SLC38A8: variants seen among roughly 807,000 people sequenced by gnomAD.
SLC38A8 encodes the protein amino acid transporter SLC38A8.
A neutral mutation model predicts 46.0 loss-of-function variants in SLC38A8; 65 were observed. The observed-to-expected ratio is 1.41, with a 90% CI of 1.16 to 1.74. The LOEUF (loss-of-function observed/expected upper bound fraction) is 1.74. SLC38A8 is among the 40% of genes most tolerant of loss of function. The probability of loss-of-function intolerance (pLI) is 0.00; values close to 1 mark genes in which losing one functional copy is unlikely to be tolerated. For synonymous variants in SLC38A8, 447 were observed against 243.7 expected (o/e 1.83, Z -7.77); for missense variants, 998 against 567.9 (o/e 1.76, Z -7.70).
rs1279393840 is a variant in SLC38A8 at position 84,042,134 on chromosome 16, G to A, written c.24C>T (p.Ser8=). 6 of 1,612,904 alleles carry A rather than the reference G, an allele frequency of 3.7e-6. No homozygotes were observed. Among genetic ancestry groups the A allele is most frequent in the African/African-American group, 2.7e-5 (2 of 74,902 alleles). MEGQTPG[S]RGLPEKPHPA... is the part of the protein sequence containing the mutation. Reference sequence around the variant, plus strand: ...GGTGAGGCTTTTCTGGAAGGCCCCTGCTTCCTGGGGTCTGTCCCTCCATGG... The same window carrying A: ...GGTGAGGCTTTTCTGGAAGGCCCCTACTTCCTGGGGTCTGTCCCTCCATGG... The change falls in exon 2 of 11, where the codon AGC becomes AGT. Residue 8 remains serine, a synonymous_variant. Coordinates refer to ENST00000299709, the MANE Select transcript of SLC38A8 (RefSeq NM_001080442.3).
rs1836130142 is a variant in SLC38A8, at chr16:84,017,209, A to G, written c.884T>C (p.Ile295Thr). The G allele has an allele frequency of 6.2e-7, 1 of 1,614,010 alleles. No homozygotes were observed. Among genetic ancestry groups the G allele is most frequent in the African/African-American group, 1.3e-5 (1 of 74,906 alleles). ...AGCAAAAAGGACCCGGGCCACAATGATGACCATATCATTGCCTGGGTAGGA... is the reference window on the plus strand; with the variant it reads ...AGCAAAAAGGACCCGGGCCACAATGGTGACCATATCATTGCCTGGGTAGGA... ...LMSYPGNDMV[I>T]IVARVLFAVS... Residue 295 changes from isoleucine to threonine, a missense_variant, in exon 8 of 11, where the codon ATC (isoleucine) becomes ACC (threonine). By Grantham distance (89) the Ile-to-Thr change is moderately conservative. Transcript: ENST00000299709.
chr16:84,037,008 C>A, intron 2 of SLC38A8, 108 bp from the exon 3 acceptor site: 3 of 1,163,414 alleles, frequency 2.6e-6, no homozygotes, highest in Non-Finnish European at 3.6e-6. Flanking sequence ...TCCACAGAGG[C>A]CAGGGCTGCT....
At chr16:84,024,256 G>C (rs1201094608) in intron 6 of SLC38A8, among the ~76,000 whole-genome samples, 1 of 152,206 alleles carries the variant, frequency 6.6e-6, no homozygotes, top group Admixed American at 6.5e-5. Flanking sequence ...AAAAGGTCAT[G>C]AAGGGGTTCC....
At chr16:84,038,338 A>C (rs1461133439) in intron 2 of SLC38A8, among the ~76,000 whole-genome samples, 2 of 151,720 alleles carry the variant, frequency 1.3e-5, no homozygotes, top group African/African-American at 2.4e-5. Flanking sequence ...GATGTACAGG[A>C]AAGTTGCAAG....
chr16:84,022,515 A>G (rs1012743255), intron 7 of SLC38A8, among the ~76,000 whole-genome samples: 36 of 152,146 alleles, frequency 2.4e-4, no homozygotes, highest in Non-Finnish European at 8.8e-5. Context: ...GGCTTTGGAG[A>G]CGGCTAGGCT....
At chr16:84,026,447 G>C (rs900946861) in intron 6 of SLC38A8, among the ~76,000 whole-genome samples, 3 of 152,142 alleles carry the variant, frequency 2.0e-5, no homozygotes, top group East Asian at 1.9e-4. Context: ...GGCTGGTCTT[G>C]AACTCCTGAC....
intron 9 of SLC38A8, among the ~76,000 whole-genome samples, chr16:84,014,093 A>C (rs1235140402): frequency 6.6e-6 from 1 of 151,682 alleles, no homozygotes; most frequent in African/African-American, 2.4e-5. Context: ...CTGAGGGAGG[A>C]GATGCATGGC....
At chr16:84,024,978 G>A (rs943774052) in intron 6 of SLC38A8, among the ~76,000 whole-genome samples, 1 of 152,156 alleles carries the variant, frequency 6.6e-6, no homozygotes, top group Non-Finnish European at 1.5e-5. Flanking sequence ...ACCAAGCCCA[G>A]TGCAAGAATT....
At chr16:84,034,190 G>A (rs1181883946) in intron 3 of SLC38A8, among the ~76,000 whole-genome samples, 3 of 152,216 alleles carry the variant, frequency 2.0e-5, no homozygotes, top group African/African-American at 7.2e-5. Flanking sequence ...TTCCATGGCA[G>A]CTGGGGGACC....
rs1488889967 is a variant in SLC38A8 at position 84,036,827 on chromosome 16, T to G, written c.263A>C (p.Tyr88Ser). The change falls in exon 3 of 11, where the codon TAC becomes TCC. Residue 88 changes from tyrosine (Y) to serine (S), a missense_variant. Physicochemically the swap from Tyr to Ser is moderately radical, Grantham distance 144. Transcript: ENST00000299709. The part of the protein sequence containing the change: ...YAAAVSGQAT[Y>S]QGVVRGLCGP... Reference sequence around the variant, plus strand: ...ACACAGCCCCCTGACCACACCCTGGTAGGTGGCCTGGCCACTGACAGCAGC... The same window carrying G: ...ACACAGCCCCCTGACCACACCCTGGGAGGTGGCCTGGCCACTGACAGCAGC... 6.2e-7 allele frequency: 1 copy of G among 1,613,878 alleles called. No homozygotes were observed. The highest frequency in any genetic ancestry group is 8.5e-7 in the Non-Finnish European group (1 of 1,180,014).
At chr16:84,021,255 C>A (rs571818282) in intron 7 of SLC38A8, among the ~76,000 whole-genome samples, 12 of 152,098 alleles carry the variant, frequency 7.9e-5, no homozygotes, top group Non-Finnish European at 1.5e-4. Context: ...AATAGAAATG[C>A]GGTTTTACCA....
chr16:84,042,332 C>T (rs1207391111), intron 1 of SLC38A8, among the ~76,000 whole-genome samples, 173 bp from the exon 2 acceptor site: 1 of 152,170 alleles, frequency 6.6e-6, no homozygotes, highest in African/African-American at 2.4e-5. Context: ...CTGCCCACGA[C>T]TTCTAGTCCC....
chr16:84,028,882 C>A (rs2085201119), intron 6 of SLC38A8, among the ~76,000 whole-genome samples: 1 of 152,168 alleles, frequency 6.6e-6, no homozygotes, highest in Non-Finnish European at 1.5e-5. Flanking sequence ...CCTTTCAAAC[C>A]CCACCACCTT....
At chr16:84,019,812 G>C (rs12325554) in intron 7 of SLC38A8, among the ~76,000 whole-genome samples, 10,548 of 152,320 alleles carry the variant, frequency 0.069, 571 homozygotes, top group African/African-American at 0.15. Flanking sequence ...AAGGCCAAAG[G>C]AAAGGAGTAA....
chr16:84,015,754 A>G (rs2085017731), intron 9 of SLC38A8, among the ~76,000 whole-genome samples: 1 of 152,184 alleles, frequency 6.6e-6, no homozygotes, highest in Non-Finnish European at 1.5e-5. Flanking sequence ...CGCCCAGGCT[A>G]GAGTGCAGTG....
chr16:84,035,995 G>A (rs907880551), intron 3 of SLC38A8, among the ~76,000 whole-genome samples: 1 of 152,182 alleles, frequency 6.6e-6, no homozygotes, highest in African/African-American at 2.4e-5. Context: ...CACATTCTCT[G>A]AAGAGCACAC....
At chr16:84,026,270 C>T (rs368449939) in intron 6 of SLC38A8, among the ~76,000 whole-genome samples, 17 of 152,184 alleles carry the variant, frequency 1.1e-4, no homozygotes, top group African/African-American at 4.1e-4. Context: ...CGCTCCATCG[C>T]CCAGGCTGGA....
intron 3 of SLC38A8, among the ~76,000 whole-genome samples, chr16:84,034,389 A>C (rs2085278972): frequency 6.6e-6 from 1 of 152,240 alleles, no homozygotes; most frequent in Middle Eastern, 3.2e-3. Context: ...ATTCTGCCAC[A>C]GTGGGATGAA....
At chr16:84,025,112 G>A (rs376324923) in intron 6 of SLC38A8, among the ~76,000 whole-genome samples, 1 of 152,040 alleles carries the variant, frequency 6.6e-6, no homozygotes, top group African/African-American at 2.4e-5. Context: ...TGTACAGCCA[G>A]GGCTGGGCAG....
Sources: gnomAD v4.1 joint callset for allele counts (sites outside exome capture counted in the v4.1 genomes callset) on GRCh38, gnomAD v4.1.1 for gene constraint, MANE v1.5 for transcripts, NCBI Gene and HGNC (gene_info 2026-07-23, HGNC 2026-07-21) for gene names.